The following SERPINC1 variants were observed in gnomAD, a reference collection of about 807,000 sequenced individuals.
SERPINC1 encodes the protein serpin family C member 1.
SERPINC1 carries 12 observed loss-of-function variants against 43.4 expected under a neutral mutation model. The ratio of observed to expected loss-of-function variants is 0.28; its 90% CI spans 0.18 to 0.45. The LOEUF (loss-of-function observed/expected upper bound fraction) is 0.45. Among genes scored for constraint, SERPINC1 ranks in the 20% least tolerant of loss-of-function variants. The pLI, the probability that SERPINC1 is intolerant of heterozygous loss-of-function variation, is 1.00. For missense variants in SERPINC1, 423 were observed against 578.8 expected, an observed-to-expected ratio of 0.73 and a Z score of 2.76; for synonymous variants, 210 against 218.9, an observed-to-expected ratio of 0.96 and a Z score of 0.36.
chr1:173,909,495 C>T (rs1657668257), intron 5 of SERPINC1, 57 bp downstream of exon 5: 1 of 1,586,512 alleles, frequency 6.3e-7, no homozygotes, highest in African/African-American at 1.3e-5. Context: ...AACTCTTCCA[C>T]TTTTGGTCAG....
chr1:173,910,423 A>C (rs926305286), intron 4 of SERPINC1, among the ~76,000 whole-genome samples: 50 of 152,102 alleles, frequency 3.3e-4, no homozygotes, highest in Middle Eastern at 3.4e-3. Context: ...CTAAAAAAAA[A>C]CCAAAAAATT....
rs1028939728 is a variant in SERPINC1, at chr1:173,915,246, A to G, written c.42-327T>C. ...TGACATGGAATGTGCATGCCTAAAAAATCGGCTTTAGTGCCCAGTGAAGAG... is the reference window on the plus strand; with the variant it reads ...TGACATGGAATGTGCATGCCTAAAAGATCGGCTTTAGTGCCCAGTGAAGAG... On this transcript the variant is annotated intron_variant, in intron 1 of 6. Coordinates refer to ENST00000367698, the MANE Select transcript of SERPINC1 (RefSeq NM_000488.4). The G allele has an allele frequency of 5.1e-6, 6 of 1,185,412 alleles. No homozygotes were observed. The Middle Eastern group carries it at 1.1e-3, about 209-fold the overall frequency. The allele number at this position is 1,185,412 out of a possible 1,614,324, so 73.4% of individuals were successfully genotyped here.
chr1:173,910,724 CTGGGGTCTCTCCAGGGCCATT>C lies in SERPINC1; in HGVS notation c.762+9_762+29del. Reference sequence around the variant, plus strand: ...TAAGCTGAAGAGCAAGAGGAAGTCCCTGGGGTCTCTCCAGGGCCATTCTGAGTACCTTGAAGTAAATGGTGT... The same window carrying C: ...TAAGCTGAAGAGCAAGAGGAAGTCCCCTGAGTACCTTGAAGTAAATGGTGT... On this transcript the variant is annotated intron_variant, in intron 4 of 6. Transcript: ENST00000367698. The C allele has an allele frequency of 6.2e-6, 10 of 1,612,464 alleles. No homozygotes were observed. Among genetic ancestry groups the C allele is most frequent in the Non-Finnish European group, 8.5e-6 (10 of 1,178,654 alleles).
At chr1:173,915,202 A>AT (rs1178781537) in intron 1 of SERPINC1, 8 of 1,315,690 alleles carry the variant, frequency 6.1e-6, no homozygotes, top group African/African-American at 1.5e-5. Context: ...AGAAAAAAGA[A>AT]TGAGAAGCTT....
At chr1:173,904,725 TTGA>T (rs879875644) in intron 6 of SERPINC1, among the ~76,000 whole-genome samples, 2 of 152,198 alleles carry the variant, frequency 1.3e-5, no homozygotes, top group African/African-American at 4.8e-5. Flanking sequence ...GTGGAGCTGG[TTGA>T]TGATGTCTTC....
chr1:173,914,805 C>T lies in SERPINC1; in HGVS notation c.156G>A (p.Met52Ile). Residue 52 changes from methionine to isoleucine, a missense_variant, in exon 2 of 7, where the codon ATG (methionine) becomes ATA (isoleucine). Met to Ile is a conservative substitution (Grantham distance 10). Transcript: ENST00000367698. ...TCTTCTCCGGGGAGCGGTAAATGCACATGGGATTCATGGGAATGTCCCGCG... is the reference window on the plus strand; with the variant it reads ...TCTTCTCCGGGGAGCGGTAAATGCATATGGGATTCATGGGAATGTCCCGCG... Reference protein sequence around the residue: ...AKPRDIPMNPMCIYRSPEKKA... With the variant: ...AKPRDIPMNPICIYRSPEKKA... 6.2e-7 allele frequency: 1 copy of T among 1,614,140 alleles called. No homozygotes were observed. Among genetic ancestry groups the T allele is most frequent in the African/African-American group, 1.3e-5 (1 of 75,050 alleles).
chr1:173,912,874 A>G (rs1657827890), intron 2 of SERPINC1, among the ~76,000 whole-genome samples: 1 of 152,148 alleles, frequency 6.6e-6, no homozygotes. Flanking sequence ...TACATTTAAG[A>G]TCTTACCTGG....
At chr1:173,915,720 A>C (rs1657961554) in intron 1 of SERPINC1, among the ~76,000 whole-genome samples, 1 of 152,154 alleles carries the variant, frequency 6.6e-6, no homozygotes, top group Non-Finnish European at 1.5e-5. Flanking sequence ...AACAATGGCA[A>C]TATCTGTGTG....
chr1:173,917,181 C>T lies in SERPINC1; in HGVS notation c.41+38G>A, dbSNP rs375773615. 2.3e-5 allele frequency: 37 copies of T among 1,599,578 alleles called. No homozygotes were observed. In the African/African-American group the frequency reaches 5.0e-4, roughly 21 times the overall value. On this transcript the variant is annotated intron_variant, in intron 1 of 6. Coordinates refer to ENST00000367698, the MANE Select transcript of SERPINC1 (RefSeq NM_000488.4). ...TGAGTCCTTTGGAGGTCACAAAACCCAGTAGGGGCAGGCAAGGGGAAAGCT... is the reference window on the plus strand; with the variant it reads ...TGAGTCCTTTGGAGGTCACAAAACCTAGTAGGGGCAGGCAAGGGGAAAGCT...
In SERPINC1 at chr1:173,914,662, T is replaced by A; in HGVS notation, c.299A>T (p.Asp100Val). The change falls in exon 2 of 7, where the codon GAT (aspartate) becomes GTT (valine). Residue 100 changes from aspartate (D) to valine (V), a missense_variant. Asp to Val is a radical substitution (Grantham distance 152). Coordinates refer to ENST00000367698, the MANE Select transcript of SERPINC1 (RefSeq NM_000488.4). ...FATTFYQHLA[D>V]SKNDNDNIFL... ...AATGTTATCATTGTCATTCTTGGAATCTGCCAGGTGCTGATAGAAAGTGGT... is the reference window on the plus strand; with the variant it reads ...AATGTTATCATTGTCATTCTTGGAAACTGCCAGGTGCTGATAGAAAGTGGT... The A allele has an allele frequency of 6.2e-7, 1 of 1,614,264 alleles. No individual in the cohort carries two copies. Among genetic ancestry groups the A allele is most frequent in the South Asian group, 1.1e-5 (1 of 91,088 alleles).
chr1:173,910,559 C>G (rs1338836784), intron 4 of SERPINC1, among the ~76,000 whole-genome samples, 195 bp downstream of exon 4: 1 of 151,962 alleles, frequency 6.6e-6, no homozygotes. Context: ...CCAGCCTGGG[C>G]GACAGAGCGA....
chr1:173,916,277 G>T (rs560226393), intron 1 of SERPINC1, among the ~76,000 whole-genome samples: 1 of 152,248 alleles, frequency 6.6e-6, no homozygotes, highest in Non-Finnish European at 1.5e-5. Flanking sequence ...AAGGGGGTCT[G>T]TGTGTGGGTA....
At chr1:173,909,165 G>GTAATAATAA (rs111676908) in intron 5 of SERPINC1, among the ~76,000 whole-genome samples, 3,574 of 150,862 alleles carry the variant, frequency 0.024, 118 homozygotes, top group African/African-American at 0.079. Flanking sequence ...TCTGTCTCAA[G>GTAATAATAA]TAATAATAAT....
chr1:173,909,520 G>A (rs1176245839), intron 5 of SERPINC1, 32 bp downstream of exon 5: 5 of 1,610,728 alleles, frequency 3.1e-6, no homozygotes, highest in Admixed American at 1.7e-5. Context: ...CCTTGCGGGT[G>A]GAGAAGGGAG....
chr1:173,913,384 T>G (rs1657851778), intron 2 of SERPINC1, among the ~76,000 whole-genome samples: 1 of 152,168 alleles, frequency 6.6e-6, no homozygotes, highest in South Asian at 2.1e-4. Context: ...GGGTGGGAAC[T>G]AAGTCACTGA....
chr1:173,916,086 T>C (rs1208030940), intron 1 of SERPINC1, among the ~76,000 whole-genome samples: 1 of 152,228 alleles, frequency 6.6e-6, no homozygotes, highest in Non-Finnish European at 1.5e-5. Flanking sequence ...GAATTTTTAA[T>C]AGTCGCCAAC....
intron 6 of SERPINC1, among the ~76,000 whole-genome samples, chr1:173,905,581 C>A (rs147655193): frequency 6.6e-6 from 1 of 151,916 alleles, no homozygotes; most frequent in African/African-American, 2.4e-5. Flanking sequence ...TTTAGTCGGG[C>A]GTGGTGGCGG....
intron 3 of SERPINC1, 107 bp from the exon 4 acceptor site, chr1:173,910,998 C>A: frequency 7.6e-7 from 1 of 1,323,724 alleles, no homozygotes; most frequent in South Asian, 1.2e-5. Flanking sequence ...CCTTTCCCAC[C>A]ATTTGATTAA....
At chr1:173,904,796 C>T (rs1657421384) in intron 6 of SERPINC1, among the ~76,000 whole-genome samples, 1 of 152,136 alleles carries the variant, frequency 6.6e-6, no homozygotes, top group Admixed American at 6.5e-5. Flanking sequence ...TACCCGCTAT[C>T]TCCCCATATT....
Sources: gnomAD v4.1 joint callset for allele counts (sites outside exome capture counted in the v4.1 genomes callset) on GRCh38, gnomAD v4.1.1 for gene constraint, MANE v1.5 for transcripts, NCBI Gene and HGNC (gene_info 2026-07-23, HGNC 2026-07-21) for gene names.